The following SUGT1 variants were observed in gnomAD, a reference collection of about 807,000 sequenced individuals.
SUGT1 encodes protein SGT1 homolog.
Under a neutral mutation model 56.1 loss-of-function variants are expected in SUGT1, and 15 were observed. The observed-to-expected ratio is 0.27, with a 90% CI of 0.18 to 0.41. The LOEUF (loss-of-function observed/expected upper bound fraction) is 0.41. SUGT1 is among the 10% of genes least tolerant of loss of function. The pLI, the probability that SUGT1 is intolerant of heterozygous loss-of-function variation, is 1.00. For missense variants in SUGT1, 347 were observed against 382.2 expected, an observed-to-expected ratio of 0.91 and a Z score of 0.77; for synonymous variants, 123 against 128.6, an observed-to-expected ratio of 0.96 and a Z score of 0.30.
intron 10 of SUGT1, among the ~76,000 whole-genome samples, chr13:52,675,125 A>G (rs557021904): frequency 4.3e-4 from 66 of 152,104 alleles, no homozygotes; most frequent in Admixed American, 1.2e-3. Context: ...AAATGCTTCT[A>G]CCCTTCAGAG....
rs1962422415 is a variant in SUGT1 at position 52,661,045 on chromosome 13, CAA to C, written c.329-1603_329-1602del. 1.3e-5 allele frequency among the ~76,000 whole-genome samples: 2 copies of C among 152,270 alleles called. 1 individual carries two copies. The highest frequency in any genetic ancestry group is 4.1e-4 in the South Asian group (2 of 4,820). On this transcript the variant is annotated intron_variant, in intron 5 of 12. Coordinates refer to ENST00000310528, the MANE Select transcript of SUGT1 (RefSeq NM_006704.5). Reference sequence around the variant, plus strand: ...CAGGCTGGTCTTGAACTCCTGGACTCAAGCGTTCTGCCTGCCTCGGCCTCTGA... The same window carrying C: ...CAGGCTGGTCTTGAACTCCTGGACTCGCGTTCTGCCTGCCTCGGCCTCTGA...
chr13:52,674,062 T>TG (rs1164837428), intron 10 of SUGT1, among the ~76,000 whole-genome samples: 1 of 142,980 alleles, frequency 7.0e-6, no homozygotes, highest in Non-Finnish European at 1.5e-5. Context: ...ACTTTTTTTT[T>TG]TTTTTTTTTT....
chr13:52,680,478 G>C (rs1215954030), intron 12 of SUGT1, among the ~76,000 whole-genome samples: 1 of 152,194 alleles, frequency 6.6e-6, no homozygotes, highest in African/African-American at 2.4e-5. Context: ...TGTAGCCTCA[G>C]TGTTAGAGAT....
rs1963994961 is a variant in SUGT1, at chr13:52,698,415, A to G, written c.*10580A>G. 1 of 146,070 alleles carries G rather than the reference A, an allele frequency of 6.8e-6. No individual in the cohort carries two copies. Among genetic ancestry groups the G allele is most frequent in the Admixed American group, 6.9e-5 (1 of 14,594 alleles). The allele number at this position is 146,070 out of a possible 1,614,324, so 9.0% of individuals were successfully genotyped here. Reference sequence around the variant, plus strand: ...ATGTAACTCACTCAGATCGTTGGTGATAGACTCTCTCTTAAAACTTATTTA... The same window carrying G: ...ATGTAACTCACTCAGATCGTTGGTGGTAGACTCTCTCTTAAAACTTATTTA... On this transcript the variant is annotated 3_prime_UTR_variant, in exon 13 of 13. Coordinates refer to ENST00000310528, the MANE Select transcript of SUGT1 (RefSeq NM_006704.5).
chr13:52,684,554 T>C (rs1249060674), intron 12 of SUGT1, among the ~76,000 whole-genome samples: 1 of 152,088 alleles, frequency 6.6e-6, no homozygotes, highest in African/African-American at 2.4e-5. Flanking sequence ...TTCACTCATT[T>C]TTGAGACAGG....
Position 52,663,076 on chromosome 13 carries a change from T to G in SUGT1, c.383-20T>G, listed in dbSNP as rs758284576. ...AAATGCACTGTTCCCTGAAAATGTTTCCTTTTTATGTTTTAATAGGCTCAG... is the reference window on the plus strand; with the variant it reads ...AAATGCACTGTTCCCTGAAAATGTTGCCTTTTTATGTTTTAATAGGCTCAG... On this transcript the variant is annotated intron_variant, in intron 6 of 12. Coordinates refer to ENST00000310528, the MANE Select transcript of SUGT1 (RefSeq NM_006704.5). 2.5e-5 allele frequency: 40 copies of G among 1,605,290 alleles called. No homozygotes were observed. The highest frequency in any genetic ancestry group is 3.1e-5 in the Non-Finnish European group (37 of 1,176,894).
chr13:52,695,086 G>A lies in SUGT1; in HGVS notation c.*7251G>A, dbSNP rs1963889640. On this transcript the variant is annotated 3_prime_UTR_variant, in exon 13 of 13. Coordinates refer to ENST00000310528, the MANE Select transcript of SUGT1 (RefSeq NM_006704.5). The stretch of plus-strand genomic sequence containing the variant: ...ATACAAGTGTGTAGACATTAATATG[G>A]GCTCACTGTCAGCTGGGAGTTCTCA... 1 of 152,104 alleles carries A rather than the reference G, an allele frequency of 6.6e-6. No homozygotes were observed. Among genetic ancestry groups the A allele is most frequent in the Non-Finnish European group, 1.5e-5 (1 of 68,022 alleles). The allele number at this position is 152,104 out of a possible 1,614,324, so 9.4% of individuals were successfully genotyped here.
At chr13:52,660,293 C>T (rs1962381583) in intron 5 of SUGT1, among the ~76,000 whole-genome samples, 2 of 152,128 alleles carry the variant, frequency 1.3e-5, no homozygotes, top group Admixed American at 1.3e-4. Flanking sequence ...AACGGTTTTG[C>T]TTCCCAGGAA....
Position 52,691,677 on chromosome 13 carries a change from G to A in SUGT1, c.*3842G>A, listed in dbSNP as rs1275077129. 1 of 152,156 alleles carries A rather than the reference G, an allele frequency of 6.6e-6. No homozygotes were observed. Among genetic ancestry groups the A allele is most frequent in the Non-Finnish European group, 1.5e-5 (1 of 68,024 alleles). The allele number at this position is 152,156 out of a possible 1,614,324, so 9.4% of individuals were successfully genotyped here. ...CTTACCCTTTGTAACTAGCTCTAAA[G>A]AAGTACATCTTTTGCTCATACCTGC... On this transcript the variant is annotated 3_prime_UTR_variant, in exon 13 of 13. Coordinates refer to ENST00000310528, the MANE Select transcript of SUGT1 (RefSeq NM_006704.5).
At chr13:52,655,224 A>G (rs1962105360) in intron 2 of SUGT1, among the ~76,000 whole-genome samples, 1 of 152,188 alleles carries the variant, frequency 6.6e-6, no homozygotes, top group South Asian at 2.1e-4. Context: ...GGGCAGCCGT[A>G]ATCAGCTACC....
At chr13:52,654,389 C>T (rs1489465088) in intron 2 of SUGT1, among the ~76,000 whole-genome samples, 1 of 152,174 alleles carries the variant, frequency 6.6e-6, no homozygotes, top group Admixed American at 6.5e-5. Context: ...ATAAAAGTTG[C>T]TTTTAAACAG....
At chr13:52,660,602 A>G (rs538109110) in intron 5 of SUGT1, among the ~76,000 whole-genome samples, 9 of 152,306 alleles carry the variant, frequency 5.9e-5, no homozygotes, top group African/African-American at 1.9e-4. Context: ...GGAAGCTACA[A>G]ATTAAAAAAG....
At chr13:52,670,328 A>G (rs1175701198) in intron 10 of SUGT1, among the ~76,000 whole-genome samples, 1 of 152,174 alleles carries the variant, frequency 6.6e-6, no homozygotes, top group Non-Finnish European at 1.5e-5. Context: ...AGTTATTGCT[A>G]CTTTTTACTG....
intron 7 of SUGT1, 84 bp downstream of exon 7, chr13:52,663,196 G>A (rs112041659): frequency 4.6e-4 from 630 of 1,377,802 alleles, no homozygotes; most frequent in Non-Finnish European, 6.0e-4. Context: ...CTCAGGATGA[G>A]CTGTCTGATA....
chr13:52,653,981 G>A (rs945253376), intron 2 of SUGT1, among the ~76,000 whole-genome samples: 7 of 152,196 alleles, frequency 4.6e-5, no homozygotes, highest in Non-Finnish European at 7.3e-5. Context: ...AGATTTGAAG[G>A]AACAAGGGAA....
At position 52,664,077 on chromosome 13, in the gene SUGT1, A is replaced by G. The variant is rs777533565; in HGVS notation, c.422+20A>G. ...AATCAAGTGAGTGTTTCTTTTTCAT[A>G]AAACAATGCATGATAAATATGCCTA... On this transcript the variant is annotated intron_variant, in intron 8 of 12. Transcript: ENST00000310528. 11 of 1,610,222 alleles carry G rather than the reference A, an allele frequency of 6.8e-6. No individual in the cohort carries two copies. Among genetic ancestry groups the G allele is most frequent in the Non-Finnish European group, 6.8e-6 (8 of 1,177,102 alleles).
chr13:52,661,482 G>A lies in SUGT1; in HGVS notation c.329-1167G>A, dbSNP rs190704162. On this transcript the variant is annotated intron_variant, in intron 5 of 12. Transcript: ENST00000310528. ...TAATTTTTGTATTTTTAGTAGAGAC[G>A]GGGTTTCATCGTGTTGGCCAGGCTG... 64 of 320,512 alleles carry A rather than the reference G, an allele frequency of 2.0e-4. No individual in the cohort carries two copies. In the Admixed American group the frequency reaches 2.8e-3, roughly 14 times the overall value. The allele number at this position is 320,512 out of a possible 1,614,324, so 19.9% of individuals were successfully genotyped here. A position where few individuals can be genotyped will look rare whatever the true frequency, so the allele number is the denominator to read the frequency against.
intron 12 of SUGT1, 55 bp from the exon 13 acceptor site, chr13:52,687,678 TA>T (rs1330653558): frequency 5.8e-6 from 8 of 1,387,108 alleles, no homozygotes; most frequent in Middle Eastern, 1.9e-4. Flanking sequence ...TTAAGAAAAA[TA>T]TTCTATTTTG....
intron 10 of SUGT1, among the ~76,000 whole-genome samples, chr13:52,674,679 C>T (rs1389053200): frequency 6.6e-6 from 1 of 151,792 alleles, no homozygotes; most frequent in Non-Finnish European, 1.5e-5. Flanking sequence ...ATTTTTTAAT[C>T]CCATTTACAA....
Sources: gnomAD v4.1 joint callset for allele counts (sites outside exome capture counted in the v4.1 genomes callset) on GRCh38, gnomAD v4.1.1 for gene constraint, MANE v1.5 for transcripts, NCBI Gene and HGNC (gene_info 2026-07-23, HGNC 2026-07-21) for gene names.